PCDHA6: variants seen among roughly 807,000 people sequenced by gnomAD.
PCDHA6 encodes the protein protocadherin alpha-6.
In PCDHA6, 55 loss-of-function variants were observed where a neutral mutation model predicts 60.3. The observed-to-expected ratio is 0.91, with a 90% CI of 0.73 to 1.14. PCDHA6 has a LOEUF of 1.14. Ranked by LOEUF, PCDHA6 falls within the 50% of genes most tolerant of loss-of-function variation. PCDHA6 has a pLI of 0.00. For synonymous variants in PCDHA6, 652 were observed against 557.9 expected, an observed-to-expected ratio of 1.17 and a Z score of -2.38; for missense variants, 1,327 against 1,256.5, an observed-to-expected ratio of 1.06 and a Z score of -0.85.
chr5:140,881,257 C>A, intron 1 of PCDHA6: 1 of 512,564 alleles, frequency 2.0e-6, no homozygotes, highest in Non-Finnish European at 2.5e-6. Context: ...CAAGGTTTTA[C>A]TCAGTGATGA....
chr5:140,969,190 T>C, intron 1 of PCDHA6: 2 of 1,614,072 alleles, frequency 1.2e-6, no homozygotes, highest in Non-Finnish European at 1.7e-6. Flanking sequence ...CTTTCATGTT[T>C]TACAATACAG....
At chr5:140,896,864 G>A (rs1223708211) in intron 1 of PCDHA6, among the ~76,000 whole-genome samples, 1 of 152,088 alleles carries the variant, frequency 6.6e-6, no homozygotes, top group Admixed American at 6.5e-5. Flanking sequence ...CATAATAAGT[G>A]TACATATTTA....
At chr5:140,934,279 A>G (rs2089746811) in intron 1 of PCDHA6, among the ~76,000 whole-genome samples, 1 of 152,104 alleles carries the variant, frequency 6.6e-6, no homozygotes, top group South Asian at 2.1e-4. Flanking sequence ...TGCTTCATCA[A>G]GGGCATTCTT....
intron 1 of PCDHA6, chr5:140,875,560 C>G: frequency 6.2e-7 from 1 of 1,614,124 alleles, no homozygotes; most frequent in Non-Finnish European, 8.5e-7. Context: ...GGGGAGCGGC[C>G]AGCTCCACTA....
In PCDHA6 at chr5:140,858,202, A is replaced by C. The variant is rs782325182; in HGVS notation, c.2394+27717A>C. On this transcript the variant is annotated intron_variant, in intron 1 of 3. Transcript: ENST00000529310. The stretch of plus-strand genomic sequence containing the variant: ...TGCTCACGCTGCTGCTGTACACTGC[A>C]CTGAGGTGCTCGGCGGCGCCCACCG... The C allele has an allele frequency of 1.9e-6, 3 of 1,596,904 alleles. No homozygotes were observed. In the East Asian group the frequency reaches 6.7e-5, roughly 36 times the overall value.
chr5:140,967,154 G>A, intron 1 of PCDHA6: 2 of 1,610,730 alleles, frequency 1.2e-6, no homozygotes, highest in Non-Finnish European at 1.7e-6. Flanking sequence ...CAACCCCGTG[G>A]CGGTGAGCGC....
chr5:140,996,587 C>T (rs1260417239), intron 3 of PCDHA6, among the ~76,000 whole-genome samples: 4 of 151,994 alleles, frequency 2.6e-5, no homozygotes, highest in South Asian at 2.1e-4. Context: ...TAACAAGGGC[C>T]GCCTCCCCCC....
In PCDHA6 at chr5:140,958,013, G is replaced by A. The variant is rs553596138; in HGVS notation, c.2395-20936G>A. 2.6e-5 allele frequency among the ~76,000 whole-genome samples: 4 copies of A among 152,110 alleles called. No individual in the cohort carries two copies. In the South Asian group the frequency reaches 8.3e-4, roughly 32 times the overall value. On this transcript the variant is annotated intron_variant, in intron 1 of 3. Coordinates refer to ENST00000529310, the MANE Select transcript of PCDHA6 (RefSeq NM_018909.4). ...CAGATTTTTTGTTTCAATTCTATCA[G>A]CCAAGTATACTATGCTTTCTTTGCT...
intron 1 of PCDHA6, chr5:140,843,007 G>T (rs2150349965): frequency 6.3e-7 from 1 of 1,594,864 alleles, no homozygotes; most frequent in African/African-American, 1.3e-5. Flanking sequence ...ATGACAACGC[G>T]CCGGCACTGC....
chr5:140,978,845 T>C, intron 1 of PCDHA6, 104 bp from the exon 2 acceptor site: 7 of 1,569,708 alleles, frequency 4.5e-6, no homozygotes, highest in Non-Finnish European at 6.1e-6. Flanking sequence ...AATACTTTTT[T>C]AGATGCCTGG....
intron 1 of PCDHA6, among the ~76,000 whole-genome samples, chr5:140,941,438 C>G (rs1408570275): frequency 6.6e-6 from 1 of 150,766 alleles, no homozygotes; most frequent in East Asian, 1.9e-4. Flanking sequence ...GCCTCAGCCT[C>G]GGGAGTAGCT....
chr5:140,953,901 A>G (rs1354951706), intron 1 of PCDHA6, among the ~76,000 whole-genome samples: 1 of 152,156 alleles, frequency 6.6e-6, no homozygotes, highest in Admixed American at 6.5e-5. Flanking sequence ...TATTAAGCCC[A>G]GCATCCATTA....
chr5:140,876,925 C>G (rs1554169109), intron 1 of PCDHA6: 1 of 1,613,838 alleles, frequency 6.2e-7, no homozygotes, highest in South Asian at 1.1e-5. Flanking sequence ...CGCGGACGCG[C>G]AGAAGAACGC....
chr5:140,863,196 G>A (rs782500346), intron 1 of PCDHA6: 4 of 874,850 alleles, frequency 4.6e-6, no homozygotes, highest in Non-Finnish European at 7.2e-6. Flanking sequence ...TGGTGGCGTC[G>A]CTGGCGGAGA....
Position 140,869,430 on chromosome 5 carries a change from C to A in PCDHA6, c.2394+38945C>A, listed in dbSNP as rs73793507. On this transcript the variant is annotated intron_variant, in intron 1 of 3. Transcript: ENST00000529310. ...AGTGCAGCATCCACCTGGAGGTGATCGTGGACAGGCCGCTGCAGGTTTTCC... is the reference window on the plus strand; with the variant it reads ...AGTGCAGCATCCACCTGGAGGTGATAGTGGACAGGCCGCTGCAGGTTTTCC... 7.1e-4 allele frequency: 1,143 copies of A among 1,614,154 alleles called. 9 individuals are homozygous for A. In the African/African-American group the frequency reaches 0.013, roughly 18 times the overall value.
intron 1 of PCDHA6, chr5:140,836,577 T>G (rs1283554877): frequency 1.2e-6 from 2 of 1,613,536 alleles, no homozygotes; most frequent in Non-Finnish European, 1.7e-6. Flanking sequence ...TGAGGGCGCA[T>G]GTAGTTTGGT....
Position 140,828,649 on chromosome 5 carries a change from TG to T in PCDHA6, c.559del (p.Asp187MetfsTer10). 1 of 1,614,100 alleles carries T rather than the reference TG, an allele frequency of 6.2e-7. No homozygotes were observed. The highest frequency in any genetic ancestry group is 8.5e-7 in the Non-Finnish European group (1 of 1,180,010). On this transcript the variant is annotated frameshift_variant, in exon 1 of 4. Transcript: ENST00000529310. LOFTEE classifies it high-confidence loss of function. ...YFGLDVKINS[D>X]DNKQIGLLLK... ...TCGGGCTAGATGTGAAAATAAACAG[TG>T]ATGACAATAAACAAATTGGGCTCTT...
intron 1 of PCDHA6, chr5:140,884,108 G>A (rs782424793): frequency 3.1e-6 from 5 of 1,613,286 alleles, no homozygotes; most frequent in Admixed American, 3.3e-5. Context: ...ATTGCAGCTG[G>A]CGGCGGTCGG....
At chr5:140,931,962 A>G (rs1439185046) in intron 1 of PCDHA6, among the ~76,000 whole-genome samples, 1 of 151,924 alleles carries the variant, frequency 6.6e-6, no homozygotes, top group Non-Finnish European at 1.5e-5. Context: ...AATCATGTTG[A>G]TGCATATGTG....
Sources: gnomAD v4.1 joint callset for allele counts (sites outside exome capture counted in the v4.1 genomes callset) on GRCh38, gnomAD v4.1.1 for gene constraint, MANE v1.5 for transcripts, NCBI Gene and HGNC (gene_info 2026-07-23, HGNC 2026-07-21) for gene names.